The following ADGRG4 variants were observed in gnomAD, a reference collection of about 807,000 sequenced individuals.
The protein encoded by ADGRG4 is G protein-coupled receptor 112.
In ADGRG4, 122 loss-of-function variants were observed where a neutral mutation model predicts 126.2. The ratio of observed to expected loss-of-function variants is 0.97; its 90% confidence interval spans 0.83 to 1.12. The LOEUF (loss-of-function observed/expected upper bound fraction) is 1.12, where lower values mean the gene tolerates loss of function less well. Among genes scored for constraint, ADGRG4 ranks in the 50% most tolerant of loss-of-function variants. ADGRG4 has a pLI of 0.00. For synonymous variants in ADGRG4, 943 were observed against 838.7 expected (o/e 1.12, Z -2.15); for missense variants, 2,481 against 2,251.8 (o/e 1.10, Z -2.06).
chrX:136,398,048 T>A lies in ADGRG4; in HGVS notation c.8306+46T>A, dbSNP rs760518277. 56 of 1,126,987 alleles carry A rather than the reference T, an allele frequency of 5.0e-5. No individual in the cohort carries two copies. The East Asian group carries it at 1.6e-3, about 32-fold the overall frequency. 92.9% of individuals were successfully genotyped at this position (1,126,987 alleles called of 1,213,427 possible). ...TCTGAGCACATTTAATTTGGTTTGA[T>A]GGATGCTATTACCATTGTAACTTTG... On this transcript the variant is annotated intron_variant, in intron 20 of 25. Transcript: ENST00000394143.
intron 5 of ADGRG4, among the ~76,000 whole-genome samples, chrX:136,334,904 C>T (rs1209682084): frequency 1.8e-5 from 2 of 111,118 alleles, no homozygotes; most frequent in Non-Finnish European, 3.8e-5. Context: ...TTTGGGGTGC[C>T]TCTAACTTCC....
intron 15 of ADGRG4, among the ~76,000 whole-genome samples, chrX:136,377,191 T>TTTTA (rs58294679): frequency 3.1e-5 from 2 of 64,250 alleles, no homozygotes; most frequent in African/African-American, 1.5e-4. Flanking sequence ...TTTTTTTTTT[T>TTTTA]GTTGTTGTTG....
intron 13 of ADGRG4, among the ~76,000 whole-genome samples, chrX:136,367,732 A>G (rs1485631010): frequency 8.9e-6 from 1 of 112,320 alleles, no homozygotes; most frequent in Non-Finnish European, 1.9e-5. Context: ...AAGGAAAGAA[A>G]AATGTATTCA....
intron 24 of ADGRG4, among the ~76,000 whole-genome samples, chrX:136,412,772 T>G (rs2075453218): frequency 8.9e-6 from 1 of 112,124 alleles, no homozygotes; most frequent in Admixed American, 9.4e-5. Context: ...CTTATAAACA[T>G]TCCTAAGATG....
At chrX:136,411,041 C>T (rs1569340226) in intron 23 of ADGRG4, among the ~76,000 whole-genome samples, 1 of 111,104 alleles carries the variant, frequency 9.0e-6, no homozygotes, top group African/African-American at 3.3e-5. Flanking sequence ...AATTGGTCCT[C>T]CAGGGAATTT....
chrX:136,302,780 T>G (rs774859228), intron 1 of ADGRG4, among the ~76,000 whole-genome samples: 1 of 111,776 alleles, frequency 8.9e-6, no homozygotes, highest in African/African-American at 3.3e-5. Flanking sequence ...AATAAAGCAT[T>G]TATTACGTAC....
intron 21 of ADGRG4, among the ~76,000 whole-genome samples, chrX:136,402,573 T>A (rs892494335): frequency 3.6e-5 from 4 of 111,926 alleles, no homozygotes; most frequent in African/African-American, 1.3e-4. Flanking sequence ...GTGCATGCGC[T>A]TAGTCTAGGA....
rs768408728 is a variant in ADGRG4 at position 136,373,073 on chromosome X, A to G, written c.7776+9A>G. 1.9e-5 allele frequency: 22 copies of G among 1,180,828 alleles called. No homozygotes were observed. In the South Asian group the frequency reaches 4.2e-4, roughly 23 times the overall value. On this transcript the variant is annotated intron_variant, in intron 15 of 25. Transcript: ENST00000394143. Reference sequence around the variant, plus strand: ...AAGGCACAGACCCTGAGGTGAGTGCAGCTCAGGGAACTGAGAGCCAATCAG... The same window carrying G: ...AAGGCACAGACCCTGAGGTGAGTGCGGCTCAGGGAACTGAGAGCCAATCAG...
At chrX:136,382,852 G>T (rs912203122) in intron 15 of ADGRG4, among the ~76,000 whole-genome samples, 1 of 110,475 alleles carries the variant, frequency 9.1e-6, no homozygotes, top group Non-Finnish European at 1.9e-5. Flanking sequence ...TAAGGAGATC[G>T]ATGTTGTGTC....
At position 136,348,502 on chromosome X, in the gene ADGRG4, C is replaced by A. The variant is rs779224289; in HGVS notation, c.4796C>A (p.Thr1599Asn). 2.5e-6 allele frequency: 3 copies of A among 1,209,156 alleles called. No homozygotes were observed. Among genetic ancestry groups the A allele is most frequent in the Admixed American group, 2.2e-5 (1 of 45,938 alleles). ...STLLSSVTPR[T>N]TMTMQTSTLD... ...TTATTGTCTTCAGTTACCCCCAGGA[C>A]TACTATGACCATGCAAACATCTACA... Residue 1599 changes from threonine (T) to asparagine (N), a missense_variant, in exon 6 of 26, where the codon ACT (threonine) becomes AAT (asparagine). By Grantham distance (65) the Thr-to-Asn change is moderately conservative. Coordinates refer to ENST00000394143, the MANE Select transcript of ADGRG4 (RefSeq NM_153834.4).
chrX:136,370,885 T>C (rs2075188543), intron 13 of ADGRG4, among the ~76,000 whole-genome samples: 1 of 111,511 alleles, frequency 9.0e-6, no homozygotes, highest in African/African-American at 3.3e-5. Flanking sequence ...ACGTAGTCCA[T>C]ATTTGCTTTT....
intron 17 of ADGRG4, 95 bp downstream of exon 17, chrX:136,392,449 C>T: frequency 2.6e-6 from 2 of 755,011 alleles, no homozygotes; most frequent in Non-Finnish European, 3.7e-6. Flanking sequence ...AGATGTGATT[C>T]TAACACTTAA....
In ADGRG4 at chrX:136,344,740, C is replaced by T. The variant is rs367726145; in HGVS notation, c.1034C>T (p.Ser345Phe). 1.7e-6 allele frequency: 2 copies of T among 1,208,347 alleles called. No individual in the cohort carries two copies. The highest frequency in any genetic ancestry group is 1.8e-5 in the African/African-American group (1 of 57,116). The change falls in exon 6 of 26, where the codon TCT becomes TTT. Residue 345 changes from serine to phenylalanine, a missense_variant. By Grantham distance (155) the Ser-to-Phe change is radical. Coordinates refer to ENST00000394143, the MANE Select transcript of ADGRG4 (RefSeq NM_153834.4). ...NTTNSMKKTK[S>F]PSSESTKTTK... The stretch of plus-strand genomic sequence containing the variant: ...ACCAATTCCATGAAAAAAACGAAAT[C>T]TCCATCTTCAGAAAGCACAAAGACA...
intron 15 of ADGRG4, among the ~76,000 whole-genome samples, chrX:136,383,844 T>TTCTTTCTTTCTTTCTTTCTG (rs2075276979): frequency 4.3e-5 from 4 of 93,056 alleles, no homozygotes; most frequent in African/African-American, 1.6e-4. Context: ...CTTTCTTTCT[T>TTCTTTCTTTCTTTCTTTCTG]TCTTTCTTTC....
rs191948099 is a variant in ADGRG4, at chrX:136,393,980, A to G, written c.8080+400A>G. On this transcript the variant is annotated intron_variant, in intron 18 of 25. Coordinates refer to ENST00000394143, the MANE Select transcript of ADGRG4 (RefSeq NM_153834.4). ...AAATTTGGAAGGCCCAGCGCAGAGT[A>G]GCCTTGAACTGTTTGAAGAAAGTTG... Among the ~76,000 whole-genome samples, 335 of 111,919 alleles carry G rather than the reference A, an allele frequency of 3.0e-3. 4 individuals carry two copies. Among genetic ancestry groups the G allele is most frequent in the Non-Finnish European group, 5.3e-3 (280 of 53,146 alleles).
intron 16 of ADGRG4, among the ~76,000 whole-genome samples, chrX:136,388,121 A>C (rs1459069513): frequency 8.9e-6 from 1 of 112,141 alleles, no homozygotes; most frequent in African/African-American, 3.2e-5. Context: ...GGCTAAACAG[A>C]GGCCTCAAGA....
intron 5 of ADGRG4, among the ~76,000 whole-genome samples, chrX:136,334,852 A>T (rs1706332741): frequency 8.9e-6 from 1 of 111,852 alleles, no homozygotes. Flanking sequence ...TATCTGGACT[A>T]CTGCATAATC....
chrX:136,379,523 C>T (rs766264203), intron 15 of ADGRG4, among the ~76,000 whole-genome samples: 1 of 104,906 alleles, frequency 9.5e-6, no homozygotes, highest in South Asian at 4.6e-4. Context: ...TTCTCCTCTC[C>T]TCTCCCTCCC....
At chrX:136,386,667 C>A (rs1365808659) in intron 15 of ADGRG4, among the ~76,000 whole-genome samples, 1 of 111,846 alleles carries the variant, frequency 8.9e-6, no homozygotes, top group Non-Finnish European at 1.9e-5. Context: ...CAACGTACCT[C>A]TCAGAGTTGA....
Sources: gnomAD v4.1 joint callset for allele counts (sites outside exome capture counted in the v4.1 genomes callset) on GRCh38, gnomAD v4.1.1 for gene constraint, MANE v1.5 for transcripts, NCBI Gene and HGNC (gene_info 2026-07-23, HGNC 2026-07-21) for gene names.